Variants in L3MBTL3 observed in about 807,000 individuals in gnomAD.
L3MBTL3 encodes lethal(3)malignant brain tumor-like protein 3.
Under a neutral mutation model 102.3 loss-of-function variants are expected in L3MBTL3, and 27 were observed. The observed-to-expected ratio is 0.26, with a 90% confidence interval of 0.19 to 0.36. The LOEUF is 0.36. Ranked by LOEUF, L3MBTL3 falls within the 10% of genes least tolerant of loss-of-function variation. The pLI, the probability that L3MBTL3 is intolerant of heterozygous loss-of-function variation, is 1.00. For missense variants in L3MBTL3, 798 were observed against 955.3 expected (o/e 0.84, Z 2.17); for synonymous variants, 340 against 320.9 (o/e 1.06, Z -0.64).
intron 2 of L3MBTL3, among the ~76,000 whole-genome samples, chr6:130,038,547 G>A: frequency 6.6e-6 from 1 of 152,012 alleles, no homozygotes; most frequent in East Asian, 1.9e-4. Flanking sequence ...TAATGTACCT[G>A]TTGGCCATTT....
At position 130,048,704 on chromosome 6, in the gene L3MBTL3, A is replaced by G. The variant is rs146519705; in HGVS notation, c.103-578A>G. On this transcript the variant is annotated intron_variant, in intron 3 of 22. Coordinates refer to ENST00000361794, the MANE Select transcript of L3MBTL3 (RefSeq NM_032438.4). Reference sequence around the variant, plus strand: ...AGAATTCTAAAGAGCAGTGAAAGAAAGAGGAAATGTGGCACTGGGGTTATG... The same window carrying G: ...AGAATTCTAAAGAGCAGTGAAAGAAGGAGGAAATGTGGCACTGGGGTTATG... Among the ~76,000 whole-genome samples, 31 of 152,290 alleles carry G rather than the reference A, an allele frequency of 2.0e-4. No individual in the cohort carries two copies. The East Asian group carries it at 5.6e-3, about 28-fold the overall frequency.
At chr6:130,027,904 C>G (rs1013289402) in intron 2 of L3MBTL3, among the ~76,000 whole-genome samples, 1 of 151,930 alleles carries the variant, frequency 6.6e-6, no homozygotes, top group Non-Finnish European at 1.5e-5. Context: ...TATTACCCTT[C>G]TAGTATAGTA....
At chr6:130,069,451 C>G (rs574556966) in intron 12 of L3MBTL3, among the ~76,000 whole-genome samples, 79 of 152,118 alleles carry the variant, frequency 5.2e-4, no homozygotes, top group Non-Finnish European at 9.4e-4. Flanking sequence ...AAACACAAAC[C>G]AGGTTGGATT....
At position 130,052,646 on chromosome 6, in the gene L3MBTL3, A is replaced by G. The variant is rs186911154; in HGVS notation, c.450-213A>G. ...GAAATTAATATATAAGGTAATTTTCATTTTCTGCCCTGACAGACAGATGTC... is the reference window on the plus strand; with the variant it reads ...GAAATTAATATATAAGGTAATTTTCGTTTTCTGCCCTGACAGACAGATGTC... On this transcript the variant is annotated intron_variant, in intron 6 of 22. Coordinates refer to ENST00000361794, the MANE Select transcript of L3MBTL3 (RefSeq NM_032438.4). Among the ~76,000 whole-genome samples, 501 of 152,248 alleles carry G rather than the reference A, an allele frequency of 3.3e-3. 1 individual carries two copies. The highest frequency in any genetic ancestry group is 5.3e-3 in the Non-Finnish European group (357 of 68,000).
At position 130,139,709 on chromosome 6, in the gene L3MBTL3, C is replaced by G; in HGVS notation, c.2299C>G (p.Leu767Val). Residue 767 changes from leucine (L) to valine (V), a missense_variant, in exon 23 of 23, where the codon CTG becomes GTG. Physicochemically the swap from Leu to Val is conservative, Grantham distance 32. Coordinates refer to ENST00000361794, the MANE Select transcript of L3MBTL3 (RefSeq NM_032438.4). ...GPALKIFNSI[L>V]MFKAAEKNSH... is the part of the protein sequence containing the mutation. ...TGCTCTCAAAATTTTCAATTCCATC[C>G]TGATGTTCAAAGCTGCAGAGAAGAA... The G allele has an allele frequency of 6.2e-7, 1 of 1,613,182 alleles. No homozygotes were observed. Among genetic ancestry groups the G allele is most frequent in the South Asian group, 1.1e-5 (1 of 91,056 alleles).
chr6:130,106,089 A>T (rs1359993181), intron 19 of L3MBTL3, among the ~76,000 whole-genome samples: 1 of 152,160 alleles, frequency 6.6e-6, no homozygotes, highest in African/African-American at 2.4e-5. Context: ...TTTATAACCC[A>T]TTGCACATAT....
chr6:130,091,561 A>T (rs1191539835), intron 16 of L3MBTL3, among the ~76,000 whole-genome samples: 1 of 152,138 alleles, frequency 6.6e-6, no homozygotes, highest in Non-Finnish European at 1.5e-5. Flanking sequence ...CTGCTTTATA[A>T]TAAGACATAT....
chr6:130,047,983 A>G (rs1324327151), intron 3 of L3MBTL3, among the ~76,000 whole-genome samples: 1 of 152,168 alleles, frequency 6.6e-6, no homozygotes, highest in African/African-American at 2.4e-5. Flanking sequence ...TAGGGTTCGA[A>G]GACATTCTCA....
chr6:130,034,622 C>G (rs1369888622), intron 2 of L3MBTL3, among the ~76,000 whole-genome samples: 1 of 152,212 alleles, frequency 6.6e-6, no homozygotes, highest in Non-Finnish European at 1.5e-5. Context: ...CTGTCATCAA[C>G]ACTAGACTCA....
At chr6:130,064,921 G>A (rs377645522) in intron 10 of L3MBTL3, among the ~76,000 whole-genome samples, 159 of 152,276 alleles carry the variant, frequency 1.0e-3, no homozygotes, top group African/African-American at 3.7e-3. Flanking sequence ...CTATAGGGCT[G>A]AGCTCTTAGG....
chr6:130,019,516 C>G (rs567283694), intron 1 of L3MBTL3: 113 of 151,676 alleles, frequency 7.5e-4, no homozygotes, highest in African/African-American at 2.5e-3. Context: ...TCTCCCCTTT[C>G]GGGCTGCGGA....
intron 16 of L3MBTL3, among the ~76,000 whole-genome samples, chr6:130,090,276 A>G (rs1783961342): frequency 1.3e-5 from 2 of 152,168 alleles, no homozygotes; most frequent in Admixed American, 1.3e-4. Flanking sequence ...CAGTCTCCTG[A>G]TGATGGGCAC....
chr6:130,064,862 G>A (rs1782145509), intron 10 of L3MBTL3, among the ~76,000 whole-genome samples: 1 of 152,220 alleles, frequency 6.6e-6, no homozygotes, highest in Non-Finnish European at 1.5e-5. Context: ...GCTCAAGGGA[G>A]CAGAAGCTCA....
chr6:130,021,378 T>C (rs1779005058), intron 1 of L3MBTL3, among the ~76,000 whole-genome samples: 1 of 152,230 alleles, frequency 6.6e-6, no homozygotes, highest in Non-Finnish European at 1.5e-5. Flanking sequence ...ATTGAAAGTT[T>C]AGTAAATCGA....
At chr6:130,038,487 G>A (rs1780204957) in intron 2 of L3MBTL3, among the ~76,000 whole-genome samples, 2 of 151,708 alleles carry the variant, frequency 1.3e-5, no homozygotes, top group Non-Finnish European at 2.9e-5. Context: ...ATATCTCCTT[G>A]TGGTTTTAAT....
chr6:130,046,702 C>G (rs1036643316), intron 3 of L3MBTL3, among the ~76,000 whole-genome samples: 4 of 110,698 alleles, frequency 3.6e-5, no homozygotes, highest in African/African-American at 1.0e-4. Context: ...TAGAGTGGAG[C>G]CACGTGGCAA....
chr6:130,076,615 A>C (rs2115050328), intron 13 of L3MBTL3, among the ~76,000 whole-genome samples: 1 of 152,236 alleles, frequency 6.6e-6, no homozygotes, highest in South Asian at 2.1e-4. Context: ...ATACATAAAA[A>C]CCCAGAAGAA....
chr6:130,112,830 T>A (rs1453180432), intron 19 of L3MBTL3, among the ~76,000 whole-genome samples: 1 of 152,166 alleles, frequency 6.6e-6, no homozygotes, highest in Non-Finnish European at 1.5e-5. Flanking sequence ...GAAATGTGAG[T>A]ACGTGGTCCT....
Position 130,051,356 on chromosome 6 carries a change from C to G in L3MBTL3, c.397C>G (p.Leu133Val). ...CCQYGNVDEC[L>V]SGGNYCSQNC... The stretch of plus-strand genomic sequence containing the variant: ...TCAGTATGGCAACGTAGATGAGTGT[C>G]TTTCTGGAGGAAACTATTGCAGCCA... Residue 133 changes from leucine (L) to valine (V), a missense_variant, in exon 6 of 23, where the codon CTT becomes GTT. Coordinates refer to ENST00000361794, the MANE Select transcript of L3MBTL3 (RefSeq NM_032438.4). 1 of 1,614,080 alleles carries G rather than the reference C, an allele frequency of 6.2e-7. No homozygotes were observed. The highest frequency in any genetic ancestry group is 8.5e-7 in the Non-Finnish European group (1 of 1,179,932).
Sources: allele counts gnomAD v4.1 joint callset (sites outside exome capture counted in the v4.1 genomes callset), GRCh38; gene constraint gnomAD v4.1.1; transcripts MANE v1.5; gene names NCBI Gene and HGNC (gene_info 2026-07-23, HGNC 2026-07-21).